Variants in CPSF6 observed in about 807,000 individuals in gnomAD.
The protein encoded by CPSF6 is cleavage and polyadenylation specificity factor subunit 6.
CPSF6 carries 10 observed loss-of-function variants against 56.7 expected under a neutral mutation model. The observed-to-expected ratio is 0.18, with a 90% confidence interval of 0.11 to 0.30. The LOEUF is 0.30. CPSF6 is among the 10% of genes least tolerant of loss of function. CPSF6 has a pLI of 1.00. For missense variants in CPSF6, 419 were observed against 722.9 expected, an observed-to-expected ratio of 0.58 and a Z score of 4.82; for synonymous variants, 248 against 244.8, an observed-to-expected ratio of 1.01 and a Z score of -0.12.
In CPSF6 at chr12:69,244,007, A is replaced by T. The variant is rs117955895; in HGVS notation, c.60+4301A>T. ...TGCCACCATGCCTGGCTAATTTCAAATTTTTTTTGTAGGGATGAGGTCCCA... is the reference window on the plus strand; with the variant it reads ...TGCCACCATGCCTGGCTAATTTCAATTTTTTTTTGTAGGGATGAGGTCCCA... On this transcript the variant is annotated intron_variant, in intron 1 of 9. Coordinates refer to ENST00000435070, the MANE Select transcript of CPSF6 (RefSeq NM_007007.3). Among the ~76,000 whole-genome samples the T allele has an allele frequency of 3.7e-3, 556 of 151,254 alleles. 22 individuals are homozygous for T. The East Asian group carries it at 0.097, about 26-fold the overall frequency.
rs565103870 is a variant in CPSF6, at chr12:69,261,216, C to T, written c.1469+1019C>T. On this transcript the variant is annotated intron_variant, in intron 8 of 9. Transcript: ENST00000435070. ...TTTTGTAATTATTACCTTTTTGACC[C>T]GGTGTAAGAATCTTTGTGTCTAAAC... Among the ~76,000 whole-genome samples the T allele has an allele frequency of 1.5e-4, 23 of 152,110 alleles. No homozygotes were observed. In the South Asian group the frequency reaches 3.3e-3, roughly 22 times the overall value.
rs201399245 is a variant in CPSF6, at chr12:69,272,896, GTA to G, written c.*3390_*3391del. The G allele has an allele frequency of 4.6e-6, 1 of 216,704 alleles. No homozygotes were observed. Among genetic ancestry groups the G allele is most frequent in the Non-Finnish European group, 9.5e-6 (1 of 104,994 alleles). The allele number at this position is 216,704 out of a possible 1,614,324, so 13.4% of individuals were successfully genotyped here. A position where few individuals can be genotyped will look rare whatever the true frequency, so the allele number is the denominator to read the frequency against. On this transcript the variant is annotated 3_prime_UTR_variant, in exon 10 of 10. Coordinates refer to ENST00000435070, the MANE Select transcript of CPSF6 (RefSeq NM_007007.3). ...TGTGTGTGTGTGTGTGTGTGTGTGT[GTA>G]TGCGTTTTTTTAACCTTAACTTCAG...
intron 2 of CPSF6, chr12:69,252,020 G>T (rs1394135116): frequency 6.6e-6 from 3 of 455,426 alleles, no homozygotes; most frequent in Non-Finnish European, 1.3e-5. Flanking sequence ...AATAAAACTT[G>T]GCACCCTTGC....
In CPSF6 at chr12:69,274,127, T is replaced by TTTG. The variant is rs59948349; in HGVS notation, c.*4619_*4620insTTG. On this transcript the variant is annotated 3_prime_UTR_variant, in exon 10 of 10. Coordinates refer to ENST00000435070, the MANE Select transcript of CPSF6 (RefSeq NM_007007.3). ...TAATAGACTTTTTTTTTTTTTTTTTTGCTGTCCATGAGAATTAGACTTCAT... is the reference window on the plus strand; with the variant it reads ...TAATAGACTTTTTTTTTTTTTTTTTTTTGGCTGTCCATGAGAATTAGACTTCAT... 1 of 149,796 alleles carries TTTG rather than the reference T, an allele frequency of 6.7e-6. No homozygotes were observed. Among genetic ancestry groups the TTTG allele is most frequent in the East Asian group, 1.9e-4 (1 of 5,136 alleles). The allele number at this position is 149,796 out of a possible 1,614,324, so 9.3% of individuals were successfully genotyped here.
At chr12:69,267,115 A>G (rs1032109537) in intron 9 of CPSF6, among the ~76,000 whole-genome samples, 2 of 152,076 alleles carry the variant, frequency 1.3e-5, no homozygotes, top group Admixed American at 6.5e-5. Context: ...TTAGTAGTGC[A>G]TCTCTAAAAT....
chr12:69,247,325 G>C (rs1871962892), intron 1 of CPSF6, among the ~76,000 whole-genome samples: 1 of 151,486 alleles, frequency 6.6e-6, no homozygotes, highest in South Asian at 2.1e-4. Flanking sequence ...TCTAAAGAAT[G>C]ATTGTAGTGA....
chr12:69,258,694 C>G lies in CPSF6; in HGVS notation c.799C>G (p.Pro267Ala). ...QVLPPPLAGP[P>A]NRGDRPPPPV... is the part of the protein sequence containing the mutation. ...TCTGCCTCCTCCTCTAGCTGGGCCT[C>G]CTAATCGAGGAGATCGCCCTCCACC... The change falls in exon 6 of 10, where the codon CCT becomes GCT. Residue 267 changes from proline to alanine, a missense_variant. By Grantham distance (27) the Pro-to-Ala change is conservative. Around this residue, in one of 4 missense-constraint regions of CPSF6, gnomAD observed 211 missense variants for 296.0 expected, o/e 0.71. Coordinates refer to ENST00000435070, the MANE Select transcript of CPSF6 (RefSeq NM_007007.3). This position sits in a 1 kb window ranked among gnomAD's most constrained non-coding sequence, Gnocchi z 4.2. The G allele has an allele frequency of 6.2e-7, 1 of 1,614,068 alleles. No homozygotes were observed. The highest frequency in any genetic ancestry group is 8.5e-7 in the Non-Finnish European group (1 of 1,180,000).
rs747073665 is a variant in CPSF6, at chr12:69,258,672, GCCT to G, written c.785_787del (p.Pro262del). The G allele has an allele frequency of 9.3e-6, 15 of 1,613,642 alleles. No individual in the cohort carries two copies. Among genetic ancestry groups the G allele is most frequent in the Non-Finnish European group, 1.2e-5 (14 of 1,179,956 alleles). On this transcript the variant is annotated inframe_deletion, in exon 6 of 10. Transcript: ENST00000435070. This position sits in a 1 kb window ranked among gnomAD's most constrained non-coding sequence, Gnocchi z 4.2. The stretch of plus-strand genomic sequence containing the variant: ...GTCCTCCACCTCCTGGTCAGGTTCT[GCCT>G]CCTCCTCTAGCTGGGCCTCCTAATC...
At chr12:69,262,611 A>G (rs1447231875) in intron 9 of CPSF6, 49 bp downstream of exon 9, 3 of 1,547,190 alleles carry the variant, frequency 1.9e-6, no homozygotes, top group Non-Finnish European at 2.6e-6. Context: ...CTTAACAGTA[A>G]CTATAACTCC....
At chr12:69,246,118 A>G (rs1017889075) in intron 1 of CPSF6, among the ~76,000 whole-genome samples, 4 of 152,162 alleles carry the variant, frequency 2.6e-5, no homozygotes, top group African/African-American at 9.7e-5. Context: ...TTTTAAAAGA[A>G]TGGAGGTGTA....
In CPSF6 at chr12:69,260,028, T is replaced by C; in HGVS notation, c.1316-16T>C. ...CAAAATTTGTTTGACTTCAAACCCT[T>C]TCCTTTCCCTCACAGGTGATTATGG... On this transcript the variant is annotated splice_polypyrimidine_tract_variant and intron_variant, in intron 7 of 9. Transcript: ENST00000435070. 1 of 1,609,142 alleles carries C rather than the reference T, an allele frequency of 6.2e-7. No individual in the cohort carries two copies. Among genetic ancestry groups the C allele is most frequent in the Non-Finnish European group, 8.5e-7 (1 of 1,178,810 alleles).
intron 1 of CPSF6, among the ~76,000 whole-genome samples, chr12:69,246,369 A>G (rs939299895): frequency 4.6e-5 from 7 of 152,240 alleles, no homozygotes; most frequent in Admixed American, 2.6e-4. Flanking sequence ...GTTGAGAATG[A>G]GCTAGGTAGA....
rs56206953 is a variant in CPSF6 at position 69,249,155 on chromosome 12, G to T, written c.61-1974G>T. Among the ~76,000 whole-genome samples, 1,271 of 28,044 alleles carry T rather than the reference G, an allele frequency of 0.045. 244 individuals carry two copies. In the East Asian group the frequency reaches 0.54, roughly 12 times the overall value. 18.4% of individuals were successfully genotyped at this position (28,044 alleles called of 152,430 possible). A position where few individuals can be genotyped will look rare whatever the true frequency, so the allele number is the denominator to read the frequency against. The stretch of plus-strand genomic sequence containing the variant: ...GGCGCCTGTAGTCCCAGCTACTCGG[G>T]GGGGGGGGGGGGGGCTGAGGCAGGA... On this transcript the variant is annotated intron_variant, in intron 1 of 9. Coordinates refer to ENST00000435070, the MANE Select transcript of CPSF6 (RefSeq NM_007007.3).
At chr12:69,260,616 C>G (rs1872703864) in intron 8 of CPSF6, among the ~76,000 whole-genome samples, 1 of 152,162 alleles carries the variant, frequency 6.6e-6, no homozygotes, top group Non-Finnish European at 1.5e-5. Context: ...ACGTCTCATT[C>G]TAACTTCTTA....
chr12:69,271,961 T>C lies in CPSF6; in HGVS notation c.*2453T>C, dbSNP rs1873266084. The C allele has an allele frequency of 6.6e-6, 1 of 151,766 alleles. No homozygotes were observed. Among genetic ancestry groups the C allele is most frequent in the African/African-American group, 2.4e-5 (1 of 41,424 alleles). 9.4% of individuals were successfully genotyped at this position (151,766 alleles called of 1,614,324 possible). On this transcript the variant is annotated 3_prime_UTR_variant, in exon 10 of 10. Coordinates refer to ENST00000435070, the MANE Select transcript of CPSF6 (RefSeq NM_007007.3). ...GTAGTGGATGTGAAAACAAACGAGT[T>C]GAATTTTAAAACATAGCATTTATTA...
At chr12:69,262,352 T>A (rs754211925) in intron 8 of CPSF6, 21 bp from the exon 9 acceptor site, 1 of 1,557,998 alleles carries the variant, frequency 6.4e-7, no homozygotes, top group Non-Finnish European at 8.7e-7. Flanking sequence ...AGAGCATTAA[T>A]CCAGTAATTT....
At chr12:69,242,409 TGAA>T (rs1871673258) in intron 1 of CPSF6, among the ~76,000 whole-genome samples, 1 of 152,216 alleles carries the variant, frequency 6.6e-6, no homozygotes, top group Non-Finnish European at 1.5e-5. Context: ...TTGCATCTAT[TGAA>T]GTAGAAAAAA....
intron 1 of CPSF6, among the ~76,000 whole-genome samples, chr12:69,245,779 C>G (rs189958174): frequency 2.2e-4 from 33 of 152,250 alleles, no homozygotes; most frequent in Non-Finnish European, 3.1e-4. Context: ...GTAATCTGAC[C>G]ACCCAGCTTT....
intron 1 of CPSF6, among the ~76,000 whole-genome samples, chr12:69,242,778 A>C (rs951209002): frequency 3.3e-5 from 5 of 152,192 alleles, no homozygotes; most frequent in Admixed American, 6.5e-5. Context: ...GTAATTGTAG[A>C]TTTTAAAATT....
Sources: allele counts gnomAD v4.1 joint callset (sites outside exome capture counted in the v4.1 genomes callset), GRCh38; gene constraint gnomAD v4.1.1; regional missense constraint gnomAD v4.1.1; non-coding constraint Gnocchi (gnomAD v3.1); transcripts MANE v1.5; gene names NCBI Gene and HGNC (gene_info 2026-07-23, HGNC 2026-07-21).